Variants in GLRB observed in about 807,000 individuals in gnomAD.
The protein encoded by GLRB is glycine receptor beta.
A neutral mutation model predicts 54.2 loss-of-function variants in GLRB; 33 were observed. That is an observed-to-expected ratio of 0.61 (90% CI 0.46 to 0.81). The LOEUF is 0.81. Among genes scored for constraint, GLRB ranks in the 40% least tolerant of loss-of-function variants. GLRB has a pLI of 0.00. For synonymous variants in GLRB, 209 were observed against 208.2 expected (o/e 1.00, Z -0.03); for missense variants, 572 against 584.6 (o/e 0.98, Z 0.22).
intron 4 of GLRB, among the ~76,000 whole-genome samples, chr4:157,129,783 A>G (rs553971726): frequency 2.0e-5 from 3 of 151,668 alleles, no homozygotes; most frequent in East Asian, 2.0e-4. Flanking sequence ...TGAGGTGACA[A>G]TGGTGCAGCT....
intron 4 of GLRB, among the ~76,000 whole-genome samples, chr4:157,127,609 G>C (rs750540562): frequency 2.0e-5 from 3 of 151,830 alleles, no homozygotes; most frequent in African/African-American, 7.3e-5. Context: ...GAGTATCCCA[G>C]TTTCTTCAAG....
chr4:157,078,884 T>A (rs922308435), intron 2 of GLRB, among the ~76,000 whole-genome samples: 2 of 152,116 alleles, frequency 1.3e-5, no homozygotes, highest in African/African-American at 4.8e-5. Flanking sequence ...GCAATTCTCC[T>A]GCCTCAGCCT....
chr4:157,088,530 G>T lies in GLRB; in HGVS notation c.122+10384G>T, dbSNP rs563193511. On this transcript the variant is annotated intron_variant, in intron 2 of 9. Coordinates refer to ENST00000264428, the MANE Select transcript of GLRB (RefSeq NM_000824.5). ...AAATTTCTCTCTCCACATTGTTTCTGTCTTTTATCTTGTTCCTTTCAGTGT... is the reference window on the plus strand; with the variant it reads ...AAATTTCTCTCTCCACATTGTTTCTTTCTTTTATCTTGTTCCTTTCAGTGT... 1.5e-3 allele frequency among the ~76,000 whole-genome samples: 231 copies of T among 151,982 alleles called. 1 individual carries two copies. Among genetic ancestry groups the T allele is most frequent in the African/African-American group, 5.3e-3 (219 of 41,460 alleles).
At chr4:157,135,125 G>T (rs1285670712) in intron 4 of GLRB, among the ~76,000 whole-genome samples, 3 of 151,972 alleles carry the variant, frequency 2.0e-5, no homozygotes, top group African/African-American at 7.2e-5. Context: ...TGTGTATTTT[G>T]ATATAAGGGT....
At chr4:157,161,925 TTTTCCAACTTG>T (rs1250904355) in intron 9 of GLRB, among the ~76,000 whole-genome samples, 6 of 152,324 alleles carry the variant, frequency 3.9e-5, no homozygotes, top group Non-Finnish European at 7.4e-5. Context: ...CTGCAGAGTG[TTTTCCAACTTG>T]TTTCCATTCT....
At chr4:157,105,229 A>G (rs1285660709) in intron 2 of GLRB, among the ~76,000 whole-genome samples, 1 of 151,304 alleles carries the variant, frequency 6.6e-6, no homozygotes, top group Non-Finnish European at 1.5e-5. Flanking sequence ...ATGTTTTAGT[A>G]TGTTGTGTTT....
intron 6 of GLRB, 113 bp downstream of exon 6, chr4:157,136,999 A>G (rs1375841034): frequency 7.3e-6 from 5 of 688,398 alleles, no homozygotes; most frequent in East Asian, 2.7e-5. Flanking sequence ...TTGATTATAA[A>G]TAGTCATTAA....
intron 2 of GLRB, among the ~76,000 whole-genome samples, chr4:157,107,366 T>C (rs77174883): frequency 0.044 from 6,720 of 152,136 alleles, 237 homozygotes; most frequent in East Asian, 0.1. Context: ...GAAAGCTAGG[T>C]CTCTTTGTCA....
chr4:157,077,890 A>C, intron 1 of GLRB, 106 bp from the exon 2 acceptor site: 2 of 676,904 alleles, frequency 3.0e-6, no homozygotes, highest in East Asian at 5.6e-5. Context: ...TTTGATGTAC[A>C]AATGTACTTG....
At chr4:157,163,853 T>TGTGTGTGTGTGTGTGTG (rs1560978896) in intron 9 of GLRB, among the ~76,000 whole-genome samples, 4 of 151,654 alleles carry the variant, frequency 2.6e-5, no homozygotes, top group African/African-American at 7.3e-5. Flanking sequence ...TGTGTGTGTG[T>TGTGTGTGTGTGTGTGTG]TTTAATATAA....
intron 9 of GLRB, 66 bp downstream of exon 9, chr4:157,153,076 C>G: frequency 3.0e-6 from 4 of 1,337,310 alleles, no homozygotes; most frequent in Non-Finnish European, 4.3e-6. Flanking sequence ...GAGAGAGACA[C>G]CTTTGTGTAT....
chr4:157,123,098 C>T (rs73856836), intron 4 of GLRB, among the ~76,000 whole-genome samples: 212 of 151,758 alleles, frequency 1.4e-3, no homozygotes, highest in African/African-American at 5.0e-3. Context: ...GAAAGCCATT[C>T]GATAAAGTCT....
intron 2 of GLRB, among the ~76,000 whole-genome samples, chr4:157,111,902 G>A (rs1735432947): frequency 6.6e-6 from 1 of 151,850 alleles, no homozygotes; most frequent in Admixed American, 6.6e-5. Flanking sequence ...AGCAACTTTT[G>A]GCCCTGTTAG....
intron 4 of GLRB, among the ~76,000 whole-genome samples, chr4:157,125,830 C>T (rs10461266): frequency 0.14 from 21,690 of 151,910 alleles, 1,720 homozygotes; most frequent in East Asian, 0.28. Context: ...CACCAGTAAT[C>T]CCAGCTACTT....
chr4:157,089,591 C>T (rs1175284776), intron 2 of GLRB, among the ~76,000 whole-genome samples: 1 of 152,188 alleles, frequency 6.6e-6, no homozygotes, highest in Non-Finnish European at 1.5e-5. Context: ...TTAGCCACCT[C>T]TCTGACTACA....
chr4:157,100,642 A>T (rs376520768), intron 2 of GLRB, among the ~76,000 whole-genome samples: 7 of 152,294 alleles, frequency 4.6e-5, no homozygotes, highest in African/African-American at 1.7e-4. Context: ...TCACTGACAT[A>T]GTATGGACTC....
intron 9 of GLRB, among the ~76,000 whole-genome samples, chr4:157,160,274 CA>C (rs1162305424): frequency 6.6e-6 from 1 of 151,436 alleles, no homozygotes; most frequent in African/African-American, 2.4e-5. Context: ...TTCATCTTTT[CA>C]AAAAACCAGC....
intron 6 of GLRB, among the ~76,000 whole-genome samples, chr4:157,138,578 G>T (rs554048558): frequency 6.6e-6 from 1 of 151,968 alleles, no homozygotes; most frequent in South Asian, 2.1e-4. Context: ...AATCTGTGCC[G>T]TATGCTTATT....
At chr4:157,152,636 A>G (rs1176253859) in intron 8 of GLRB, 82 bp from the exon 9 acceptor site, 2 of 1,067,358 alleles carry the variant, frequency 1.9e-6, no homozygotes, top group East Asian at 2.4e-5. Context: ...GTTACTGGAG[A>G]CGGATTTAGT....
Sources: gnomAD v4.1 joint callset for allele counts (sites outside exome capture counted in the v4.1 genomes callset) on GRCh38, gnomAD v4.1.1 for gene constraint, MANE v1.5 for transcripts, NCBI Gene and HGNC (gene_info 2026-07-23, HGNC 2026-07-21) for gene names.